The following SDHAF4 variants were observed in gnomAD, a reference collection of about 807,000 sequenced individuals.
The protein encoded by SDHAF4 is succinate dehydrogenase complex assembly factor 4.
In SDHAF4, 14 loss-of-function variants were observed where a neutral mutation model predicts 14.3. The observed-to-expected ratio is 0.98, with a 90% CI of 0.65 to 1.53. The LOEUF (loss-of-function observed/expected upper bound fraction) is 1.53. Ranked by LOEUF, SDHAF4 falls within the 40% of genes most tolerant of loss-of-function variation. SDHAF4 has a pLI of 0.00. For missense variants in SDHAF4, 141 were observed against 129.3 expected (o/e 1.09, Z -0.44); for synonymous variants, 63 against 47.3 (o/e 1.33, Z -1.36).
intron 1 of SDHAF4, among the ~76,000 whole-genome samples, chr6:70,573,019 G>A (rs551092200): frequency 3.9e-5 from 6 of 152,114 alleles, no homozygotes; most frequent in African/African-American, 1.2e-4. Context: ...CCTGTCACCA[G>A]GATAGAGAGC....
Position 70,588,859 on chromosome 6 carries a change from T to C in SDHAF4, c.*135T>C. 4.3e-6 allele frequency: 1 copy of C among 233,424 alleles called. No homozygotes were observed. Among genetic ancestry groups the C allele is most frequent in the Non-Finnish European group, 7.7e-6 (1 of 130,286 alleles). 14.5% of individuals were successfully genotyped at this position (233,424 alleles called of 1,614,324 possible). On this transcript the variant is annotated 3_prime_UTR_variant, in exon 3 of 3. Transcript: ENST00000370474. ...TGTGTTTAAATATATATATATATGA[T>C]GGCTTTGGAAGAAAATATGCTGCTG...
rs763403330 is a variant in SDHAF4, at chr6:70,566,971, A to T, written c.31A>T (p.Ser11Cys). 1.9e-6 allele frequency: 3 copies of T among 1,593,138 alleles called. No homozygotes were observed. The highest frequency in any genetic ancestry group is 3.5e-5 in the Admixed American group (2 of 57,062). MTPSRLPWLL[S>C]WVSATAWRAA... Reference sequence around the variant, plus strand: ...CCCATCGAGGCTTCCCTGGTTGCTTAGCTGGGTCTCGGCCACGGCGTGGAG... The same window carrying T: ...CCCATCGAGGCTTCCCTGGTTGCTTTGCTGGGTCTCGGCCACGGCGTGGAG... Residue 11 changes from serine to cysteine, a missense_variant, in exon 1 of 3, where the codon AGC (serine) becomes TGC (cysteine). By Grantham distance (112) the Ser-to-Cys change is moderately radical. Transcript: ENST00000370474.
intron 2 of SDHAF4, among the ~76,000 whole-genome samples, chr6:70,587,209 G>T (rs923986504): frequency 8.9e-6 from 1 of 111,954 alleles, no homozygotes; most frequent in African/African-American, 3.9e-5. Context: ...AGAATTAGGG[G>T]TCAGGTGCAG....
At chr6:70,577,979 C>T (rs771135399) in intron 1 of SDHAF4, among the ~76,000 whole-genome samples, 3 of 152,182 alleles carry the variant, frequency 2.0e-5, no homozygotes, top group Non-Finnish European at 4.4e-5. Flanking sequence ...CATTGATGAG[C>T]ACCTAGGTTG....
chr6:70,580,802 G>A (rs2691492), intron 2 of SDHAF4, among the ~76,000 whole-genome samples: 19,944 of 152,150 alleles, frequency 0.13, 4,035 homozygotes, highest in African/African-American at 0.43. Flanking sequence ...GTAGAATAGA[G>A]GCTATCAGGG....
chr6:70,590,129 T>C (rs1765245673), downstream of SDHAF4, among the ~76,000 whole-genome samples: 1 of 152,018 alleles, frequency 6.6e-6, no homozygotes, highest in African/African-American at 2.4e-5. Flanking sequence ...TCCCAGCTAC[T>C]TGGGAGGCTG....
At chr6:70,577,367 TA>T (rs34873875) in intron 1 of SDHAF4, among the ~76,000 whole-genome samples, 30,577 of 152,104 alleles carry the variant, frequency 0.2, 3,152 homozygotes, top group Middle Eastern at 0.26. Flanking sequence ...GATCTGCTTC[TA>T]AAAGCAATTT....
At chr6:70,573,668 C>CT (rs910044788) in intron 1 of SDHAF4, among the ~76,000 whole-genome samples, 12 of 148,910 alleles carry the variant, frequency 8.1e-5, no homozygotes, top group African/African-American at 2.0e-4. Flanking sequence ...CTTTTCTTTT[C>CT]TTTTTTTTAT....
At chr6:70,571,374 T>C (rs1302979439) in intron 1 of SDHAF4, among the ~76,000 whole-genome samples, 1 of 152,158 alleles carries the variant, frequency 6.6e-6, no homozygotes, top group African/African-American at 2.4e-5. Flanking sequence ...GGCCTGTAAT[T>C]TTCTTCTATT....
At chr6:70,577,698 C>A (rs577493787) in intron 1 of SDHAF4, among the ~76,000 whole-genome samples, 1 of 152,250 alleles carries the variant, frequency 6.6e-6, no homozygotes, top group East Asian at 1.9e-4. Flanking sequence ...GTTTTTCAAC[C>A]CTTGCATCCC....
chr6:70,582,026 C>A (rs928347985), intron 2 of SDHAF4, among the ~76,000 whole-genome samples: 4 of 152,122 alleles, frequency 2.6e-5, no homozygotes, highest in African/African-American at 9.7e-5. Context: ...CTGTTCTTAG[C>A]CCCCTAAGTA....
chr6:70,585,126 A>C (rs1049693235), intron 2 of SDHAF4, among the ~76,000 whole-genome samples: 2 of 152,184 alleles, frequency 1.3e-5, no homozygotes, highest in Admixed American at 6.5e-5. Context: ...CCCAAAATTC[A>C]TCTGTTGGAG....
chr6:70,595,761 G>A, the SDHAF4 span, among the ~76,000 whole-genome samples: 2 of 151,304 alleles, frequency 1.3e-5, no homozygotes, highest in African/African-American at 2.4e-5. Context: ...GCTTGAACCC[G>A]GGAGGCGGAG....
At chr6:70,569,423 C>T (rs1164170687) in intron 1 of SDHAF4, among the ~76,000 whole-genome samples, 2 of 152,120 alleles carry the variant, frequency 1.3e-5, no homozygotes, top group Non-Finnish European at 2.9e-5. Flanking sequence ...CGCCCACCAC[C>T]ACACCCAGAT....
chr6:70,595,259 G>A, the SDHAF4 span, among the ~76,000 whole-genome samples: 1 of 152,166 alleles, frequency 6.6e-6, no homozygotes, highest in South Asian at 2.1e-4. Context: ...AGGAAGAAAG[G>A]TTTTGCAAAA....
chr6:70,571,889 A>G (rs1802183349), intron 1 of SDHAF4, among the ~76,000 whole-genome samples: 1 of 151,772 alleles, frequency 6.6e-6, no homozygotes, highest in Admixed American at 6.6e-5. Flanking sequence ...AAAGGTTTCC[A>G]TTTTGTATTG....
chr6:70,589,492 C>G lies in SDHAF4; in HGVS notation c.*768C>G, dbSNP rs1169920955. Reference sequence around the variant, plus strand: ...AGAAATGATTCTTAGAGCTGTAGGCCTTTACTTCATCATTTTTCAGTTTAA... The same window carrying G: ...AGAAATGATTCTTAGAGCTGTAGGCGTTTACTTCATCATTTTTCAGTTTAA... On this transcript the variant is annotated 3_prime_UTR_variant, in exon 3 of 3. Transcript: ENST00000370474. 1 of 152,142 alleles carries G rather than the reference C, an allele frequency of 6.6e-6. No homozygotes were observed. Among genetic ancestry groups the G allele is most frequent in the Non-Finnish European group, 1.5e-5 (1 of 68,036 alleles). 9.4% of individuals were successfully genotyped at this position (152,142 alleles called of 1,614,324 possible).
intron 2 of SDHAF4, among the ~76,000 whole-genome samples, chr6:70,585,352 A>C (rs759049199): frequency 6.6e-6 from 1 of 152,188 alleles, no homozygotes; most frequent in Non-Finnish European, 1.5e-5. Flanking sequence ...GCTGATGGGA[A>C]TCTCCTCATG....
At chr6:70,578,855 TC>T (rs1802287265) in intron 1 of SDHAF4, among the ~76,000 whole-genome samples, 1 of 152,134 alleles carries the variant, frequency 6.6e-6, no homozygotes, top group Admixed American at 6.6e-5. Flanking sequence ...CATAAAACAA[TC>T]TTTTTTTAGA....
Sources: allele counts gnomAD v4.1 joint callset (sites outside exome capture counted in the v4.1 genomes callset), GRCh38; gene constraint gnomAD v4.1.1; transcripts MANE v1.5; gene names NCBI Gene and HGNC (gene_info 2026-07-23, HGNC 2026-07-21).